The following SMAP1 variants were observed in gnomAD, a reference collection of about 807,000 sequenced individuals.
SMAP1 encodes the protein small ArfGAP 1.
SMAP1 carries 24 observed loss-of-function variants against 58.5 expected under a neutral mutation model. The ratio of observed to expected loss-of-function variants is 0.41; its 90% CI spans 0.30 to 0.58. The LOEUF (loss-of-function observed/expected upper bound fraction) is 0.58, where lower values mean the gene tolerates loss of function less well. SMAP1 is among the 20% of genes least tolerant of loss of function. The probability of loss-of-function intolerance (pLI) is 0.29; values close to 1 mark genes in which losing one functional copy is unlikely to be tolerated. For missense variants in SMAP1, 563 were observed against 566.3 expected (o/e 0.99, Z 0.06); for synonymous variants, 216 against 196.6 (o/e 1.10, Z -0.82).
intron 4 of SMAP1, among the ~76,000 whole-genome samples, chr6:70,778,009 C>T (rs184981138): frequency 1.7e-4 from 26 of 152,210 alleles, no homozygotes; most frequent in Admixed American, 3.9e-4. Flanking sequence ...GCCTCGGGCT[C>T]CCAAAGTGCT....
At chr6:70,695,561 T>A (rs1399896186) in intron 1 of SMAP1, among the ~76,000 whole-genome samples, 1 of 152,210 alleles carries the variant, frequency 6.6e-6, no homozygotes, top group Non-Finnish European at 1.5e-5. Context: ...TGTCCTTCAT[T>A]CAATGTTGAT....
chr6:70,739,840 C>T (rs377343966), intron 2 of SMAP1, among the ~76,000 whole-genome samples: 4 of 151,716 alleles, frequency 2.6e-5, no homozygotes, highest in African/African-American at 4.8e-5. Context: ...TTGTTGTCTA[C>T]GGTTCATTTT....
intron 2 of SMAP1, among the ~76,000 whole-genome samples, chr6:70,753,174 A>G (rs1466718405): frequency 6.6e-6 from 1 of 152,166 alleles, no homozygotes; most frequent in Admixed American, 6.6e-5. Context: ...ATAAGAAAAA[A>G]AATACCAATT....
At chr6:70,787,480 A>ATG (rs1321821733) in intron 4 of SMAP1, among the ~76,000 whole-genome samples, 262 of 148,954 alleles carry the variant, frequency 1.8e-3, no homozygotes, top group Non-Finnish European at 2.5e-3. Context: ...GCTTCTGCAC[A>ATG]GCAAAAGAAA....
At chr6:70,805,712 T>G (rs188439205) in intron 6 of SMAP1, among the ~76,000 whole-genome samples, 2 of 152,322 alleles carry the variant, frequency 1.3e-5, no homozygotes, top group African/African-American at 4.8e-5. Context: ...TTGTTGACAT[T>G]GATGCTATTC....
chr6:70,677,012 A>G (rs1223412992), intron 1 of SMAP1, among the ~76,000 whole-genome samples: 1 of 151,916 alleles, frequency 6.6e-6, no homozygotes, highest in Admixed American at 6.6e-5. Flanking sequence ...TGGGCTTTCA[A>G]ACTCATGGCC....
chr6:70,745,191 A>G (rs928049572), intron 2 of SMAP1, among the ~76,000 whole-genome samples: 6 of 152,096 alleles, frequency 3.9e-5, no homozygotes, highest in South Asian at 2.1e-4. Flanking sequence ...GATCCCATTT[A>G]TCAATTTTGG....
intron 7 of SMAP1, among the ~76,000 whole-genome samples, chr6:70,848,637 C>G (rs989888552): frequency 2.6e-4 from 39 of 152,250 alleles, no homozygotes; most frequent in African/African-American, 9.4e-4. Context: ...GGAGGAGATG[C>G]CCTTCTCATC....
At position 70,827,596 on chromosome 6, in the gene SMAP1, A is replaced by G. The variant is rs372647828; in HGVS notation, c.577-9345A>G. ...TAATTATCCAAATGTAAAATATGCT[A>G]TATCATCATATGCAGTGATTCCATA... On this transcript the variant is annotated intron_variant, in intron 6 of 10. Coordinates refer to ENST00000370455, the MANE Select transcript of SMAP1 (RefSeq NM_001044305.3). 1.6e-4 allele frequency among the ~76,000 whole-genome samples: 24 copies of G among 152,358 alleles called. No individual in the cohort carries two copies. In the East Asian group the frequency reaches 1.9e-3, roughly 12 times the overall value.
At chr6:70,686,123 TA>T (rs1766927111) in intron 1 of SMAP1, among the ~76,000 whole-genome samples, 1 of 152,156 alleles carries the variant, frequency 6.6e-6, no homozygotes, top group Non-Finnish European at 1.5e-5. Context: ...AACTATTTTC[TA>T]AGCTCTTATG....
chr6:70,823,144 A>G (rs1582259348), intron 6 of SMAP1, among the ~76,000 whole-genome samples: 1 of 152,208 alleles, frequency 6.6e-6, no homozygotes, highest in East Asian at 1.9e-4. Flanking sequence ...ATGATGCTTG[A>G]TCTTTCTCTT....
At chr6:70,787,242 CCATATGT>C (rs1768088665) in intron 4 of SMAP1, among the ~76,000 whole-genome samples, 1 of 152,108 alleles carries the variant, frequency 6.6e-6, no homozygotes, top group Non-Finnish European at 1.5e-5. Context: ...AACTGGCTAG[CCATATGT>C]AGAAAGCTGA....
intron 4 of SMAP1, among the ~76,000 whole-genome samples, chr6:70,783,709 A>T (rs1767870714): frequency 1.3e-5 from 2 of 152,194 alleles, no homozygotes; most frequent in African/African-American, 2.4e-5. Flanking sequence ...TCAGTGATGG[A>T]AGACGAAATG....
intron 2 of SMAP1, among the ~76,000 whole-genome samples, chr6:70,747,336 A>G (rs769528508): frequency 1.3e-5 from 2 of 152,208 alleles, no homozygotes; most frequent in Non-Finnish European, 2.9e-5. Context: ...TCAGGTAGAA[A>G]GGTGGAAGAA....
At chr6:70,812,507 T>C (rs544113009) in intron 6 of SMAP1, among the ~76,000 whole-genome samples, 22 of 152,330 alleles carry the variant, frequency 1.4e-4, no homozygotes, top group African/African-American at 4.8e-4. Context: ...TTCTGGAATA[T>C]TACTTTTGTG....
Position 70,756,248 on chromosome 6 carries a change from A to G in SMAP1, c.338+1183A>G, listed in dbSNP as rs369880140. Among the ~76,000 whole-genome samples the G allele has an allele frequency of 5.3e-5, 8 of 152,104 alleles. No homozygotes were observed. The East Asian group carries it at 1.3e-3, about 26-fold the overall frequency. On this transcript the variant is annotated intron_variant, in intron 3 of 10. Transcript: ENST00000370455. ...ATGTAGTTTATTAACGATCAATTAT[A>G]TTGTACCCATTTGTATAGTAAAACA... is the stretch of plus-strand genomic sequence containing the variant.
At chr6:70,724,803 T>C (rs1303417042) in intron 1 of SMAP1, among the ~76,000 whole-genome samples, 1 of 152,162 alleles carries the variant, frequency 6.6e-6, no homozygotes, top group African/African-American at 2.4e-5. Flanking sequence ...TTAGTAGCTT[T>C]AAGATTACTT....
At chr6:70,849,207 A>T (rs1290208226) in intron 7 of SMAP1, among the ~76,000 whole-genome samples, 1 of 152,156 alleles carries the variant, frequency 6.6e-6, no homozygotes, top group African/African-American at 2.4e-5. Context: ...TCCTTAATCA[A>T]TTGAAAACAG....
chr6:70,783,392 C>G (rs1482213595), intron 4 of SMAP1, among the ~76,000 whole-genome samples: 2 of 152,196 alleles, frequency 1.3e-5, no homozygotes, highest in East Asian at 3.8e-4. Flanking sequence ...AAAAGCAGAG[C>G]ACCTCTCATC....
Sources: allele counts gnomAD v4.1 joint callset (sites outside exome capture counted in the v4.1 genomes callset), GRCh38; gene constraint gnomAD v4.1.1; transcripts MANE v1.5; gene names NCBI Gene and HGNC (gene_info 2026-07-23, HGNC 2026-07-21).